MAGI2: variants seen among roughly 807,000 people sequenced by gnomAD.
The protein encoded by MAGI2 is membrane associated guanylate kinase, WW and PDZ domain containing 2, also known as membrane-associated guanylate kinase, WW and PDZ domain-containing protein 2.
Under a neutral mutation model 133.3 loss-of-function variants are expected in MAGI2, and 35 were observed. The ratio of observed to expected loss-of-function variants is 0.26; its 90% CI spans 0.20 to 0.35. The LOEUF is 0.35. Among genes scored for constraint, MAGI2 ranks in the 10% least tolerant of loss-of-function variants. The probability of loss-of-function intolerance (pLI) is 1.00; values close to 1 mark genes in which losing one functional copy is unlikely to be tolerated. For missense variants in MAGI2, 1,636 were observed against 1,863.4 expected, an observed-to-expected ratio of 0.88 and a Z score of 2.25; for synonymous variants, 729 against 710.6, an observed-to-expected ratio of 1.03 and a Z score of -0.41.
chr7:78,353,319 A>G (rs1471953346), intron 7 of MAGI2, among the ~76,000 whole-genome samples: 2 of 152,210 alleles, frequency 1.3e-5, no homozygotes, highest in African/African-American at 4.8e-5. Flanking sequence ...ATATAATTCC[A>G]TTGATTCCTC....
chr7:78,386,033 C>G (rs1032503813), intron 6 of MAGI2, among the ~76,000 whole-genome samples: 1 of 152,102 alleles, frequency 6.6e-6, no homozygotes, highest in Admixed American at 6.6e-5. Context: ...GATATTTATT[C>G]CAAAGACCTG....
chr7:78,615,915 G>T (rs989459618), intron 3 of MAGI2: 2 of 152,174 alleles, frequency 1.3e-5, no homozygotes, highest in East Asian at 1.9e-4. Context: ...ATAATTTAAA[G>T]TCACTCTAAC....
intron 9 of MAGI2, among the ~76,000 whole-genome samples, chr7:78,319,045 G>A (rs958548919): frequency 6.6e-6 from 1 of 152,184 alleles, no homozygotes; most frequent in African/African-American, 2.4e-5. Flanking sequence ...ATGCTATGAA[G>A]AAACTGCATC....
chr7:78,743,515 A>G (rs1384280568), intron 2 of MAGI2, among the ~76,000 whole-genome samples: 2 of 152,226 alleles, frequency 1.3e-5, no homozygotes, highest in Admixed American at 6.5e-5. Flanking sequence ...TTGCACTTCT[A>G]GTACTCCAAT....
At chr7:78,739,954 C>A (rs12672869) in intron 2 of MAGI2, among the ~76,000 whole-genome samples, 1 of 152,074 alleles carries the variant, frequency 6.6e-6, no homozygotes, top group East Asian at 1.9e-4. Context: ...GTCAGGAGAT[C>A]AAGACCATCC....
At position 79,433,807 on chromosome 7, in the gene MAGI2, T is replaced by G. The variant is rs1847951551; in HGVS notation, c.301+19213A>C. ...AGAGATTCACACATGAATAAAAAAA[T>G]AAGAAAGTCAACTGATTTGTCTACC... On this transcript the variant is annotated intron_variant, in intron 1 of 21. Transcript: ENST00000354212. 2.0e-5 allele frequency among the ~76,000 whole-genome samples: 3 copies of G among 151,932 alleles called. No homozygotes were observed. In the South Asian group the frequency reaches 6.2e-4, roughly 32 times the overall value.
At chr7:78,974,403 A>T (rs974279276) in intron 2 of MAGI2, among the ~76,000 whole-genome samples, 1 of 151,876 alleles carries the variant, frequency 6.6e-6, no homozygotes, top group Non-Finnish European at 1.5e-5. Context: ...AGCCAATGAA[A>T]AGAAGTACAG....
chr7:78,965,666 G>A (rs147544547), intron 2 of MAGI2, among the ~76,000 whole-genome samples: 1 of 151,998 alleles, frequency 6.6e-6, no homozygotes, highest in Non-Finnish European at 1.5e-5. Flanking sequence ...TTTTAGATTA[G>A]TTGAAGATAT....
chr7:78,435,995 A>C (rs1398745980), intron 6 of MAGI2, among the ~76,000 whole-genome samples: 1 of 152,208 alleles, frequency 6.6e-6, no homozygotes, highest in African/African-American at 2.4e-5. Context: ...CATTTTGAAC[A>C]AGGTCCTTCA....
chr7:78,557,996 G>A (rs922095552), intron 3 of MAGI2, among the ~76,000 whole-genome samples: 8 of 150,776 alleles, frequency 5.3e-5, no homozygotes, highest in Non-Finnish European at 1.2e-4. Context: ...TTAAAAAATA[G>A]TTGATTGTGT....
chr7:78,207,335 CTG>C (rs1416216053), intron 10 of MAGI2, among the ~76,000 whole-genome samples: 1 of 152,042 alleles, frequency 6.6e-6, no homozygotes, highest in Non-Finnish European at 1.5e-5. Flanking sequence ...ATACAAGAAA[CTG>C]TTTTTTAAAA....
intron 9 of MAGI2, among the ~76,000 whole-genome samples, chr7:78,304,632 G>T (rs1798103469): frequency 6.6e-6 from 1 of 152,140 alleles, no homozygotes; most frequent in South Asian, 2.1e-4. Flanking sequence ...GTTTCATGGT[G>T]CTTACTTTCC....
chr7:78,621,193 C>G (rs1807697552), intron 3 of MAGI2: 1 of 151,888 alleles, frequency 6.6e-6, no homozygotes. Context: ...CATTCCACCT[C>G]TTGGCATCTC....
intron 7 of MAGI2, among the ~76,000 whole-genome samples, chr7:78,355,771 T>C (rs553254927): frequency 5.1e-4 from 77 of 152,340 alleles, no homozygotes; most frequent in South Asian, 2.5e-3. Flanking sequence ...TTTTTATCAG[T>C]TTTCATTACG....
intron 2 of MAGI2, among the ~76,000 whole-genome samples, chr7:78,919,105 A>C (rs1360668625): frequency 6.6e-6 from 1 of 152,106 alleles, no homozygotes; most frequent in Non-Finnish European, 1.5e-5. Context: ...TCAACATTGC[A>C]TAGTGGAAGA....
intron 6 of MAGI2, among the ~76,000 whole-genome samples, chr7:78,461,675 G>GCTGAGGTGGGCGGATCAC (rs1790034115): frequency 6.6e-6 from 1 of 151,884 alleles, no homozygotes; most frequent in Non-Finnish European, 1.5e-5. Context: ...ACTTTGGGAG[G>GCTGAGGTGGGCGGATCAC]CTGAGGTGGG....
chr7:78,498,616 T>C (rs1030122687), intron 5 of MAGI2, among the ~76,000 whole-genome samples: 10 of 152,110 alleles, frequency 6.6e-5, no homozygotes, highest in Non-Finnish European at 1.3e-4. Flanking sequence ...TTGTTGGTGG[T>C]GATGGTATGG....
At chr7:79,284,736 G>A (rs754486767) in intron 1 of MAGI2, among the ~76,000 whole-genome samples, 2 of 151,998 alleles carry the variant, frequency 1.3e-5, no homozygotes, top group Non-Finnish European at 2.9e-5. Flanking sequence ...TGTTCAATTG[G>A]AACGTTACCA....
At chr7:78,326,867 C>G (rs935347135) in intron 9 of MAGI2, among the ~76,000 whole-genome samples, 4 of 152,124 alleles carry the variant, frequency 2.6e-5, no homozygotes, top group Non-Finnish European at 5.9e-5. Context: ...ACTGCCTTTC[C>G]CCTCCCTTCA....
Sources: allele counts gnomAD v4.1 joint callset (sites outside exome capture counted in the v4.1 genomes callset), GRCh38; gene constraint gnomAD v4.1.1; transcripts MANE v1.5; gene names NCBI Gene and HGNC (gene_info 2026-07-23, HGNC 2026-07-21).